TJP1: variants seen among roughly 807,000 people sequenced by gnomAD.
TJP1 encodes tight junction protein ZO-1.
Under a neutral mutation model 194.2 loss-of-function variants are expected in TJP1, and 43 were observed. The observed-to-expected ratio is 0.22, with a 90% confidence interval of 0.17 to 0.29. TJP1 has a LOEUF of 0.29. Ranked by LOEUF, TJP1 falls within the 10% of genes least tolerant of loss-of-function variation. The pLI, the probability that TJP1 is intolerant of heterozygous loss-of-function variation, is 1.00. For synonymous variants in TJP1, 801 were observed against 779.0 expected, an observed-to-expected ratio of 1.03 and a Z score of -0.47; for missense variants, 1,971 against 2,185.7, an observed-to-expected ratio of 0.90 and a Z score of 1.96.
intron 2 of TJP1, among the ~76,000 whole-genome samples, chr15:29,795,361 G>A (rs1351827043): frequency 2.0e-5 from 3 of 150,158 alleles, no homozygotes; most frequent in Admixed American, 2.0e-4. Context: ...AGGTTGCAGT[G>A]AGCCATGATG....
At chr15:29,798,163 G>A (rs1281595849) in intron 2 of TJP1, among the ~76,000 whole-genome samples, 1 of 151,932 alleles carries the variant, frequency 6.6e-6, no homozygotes, top group East Asian at 1.9e-4. Flanking sequence ...AGTAGACGGG[G>A]TTTCACCACG....
At chr15:29,932,133 A>G (rs1186657320) in intron 2 of TJP1, among the ~76,000 whole-genome samples, 1 of 152,172 alleles carries the variant, frequency 6.6e-6, no homozygotes, top group Non-Finnish European at 1.5e-5. Flanking sequence ...AGAATGCTTT[A>G]ACCGTCTGGG....
At chr15:29,866,930 A>T (rs912787599) in intron 2 of TJP1, among the ~76,000 whole-genome samples, 14 of 152,142 alleles carry the variant, frequency 9.2e-5, no homozygotes, top group Non-Finnish European at 1.8e-4. Flanking sequence ...AGCCACCGTC[A>T]CCCTGAGCAC....
rs1567104080 is a variant in TJP1, at chr15:29,822,398, C to A, written c.-370G>T. On this transcript the variant is annotated 5_prime_UTR_variant, in exon 1 of 28. Transcript: ENST00000614355. ...GGAAGCCGGCTTCGCCACGTAACTT[C>A]CCGGGAACCGGCGGCCGCCAAGGAA... 2.0e-6 allele frequency: 2 copies of A among 1,001,244 alleles called. No individual in the cohort carries two copies. Among genetic ancestry groups the A allele is most frequent in the African/African-American group, 3.5e-5 (2 of 57,864 alleles). 62.0% of individuals were successfully genotyped at this position (1,001,244 alleles called of 1,614,324 possible). A position where few individuals can be genotyped will look rare whatever the true frequency, so the allele number is the denominator to read the frequency against.
intron 18 of TJP1, among the ~76,000 whole-genome samples, chr15:29,723,430 G>C (rs1173211171): frequency 2.0e-5 from 3 of 152,172 alleles, no homozygotes; most frequent in Non-Finnish European, 4.4e-5. Context: ...TGTAAGACAT[G>C]CTTTTTCCCC....
chr15:29,824,735 A>T (rs903144086), upstream of TJP1, among the ~76,000 whole-genome samples: 1 of 152,218 alleles, frequency 6.6e-6, no homozygotes, highest in African/African-American at 2.4e-5. Flanking sequence ...GGTGTCTTTA[A>T]TAGCACCTAA....
chr15:29,720,173 G>A (rs2042841616), intron 19 of TJP1, 157 bp from the exon 20 acceptor site: 1 of 1,122,622 alleles, frequency 8.9e-7, no homozygotes, highest in African/African-American at 1.6e-5. Flanking sequence ...AAAAAATCCA[G>A]TACATTGCTG....
At chr15:29,808,514 C>A (rs1408290427) in intron 1 of TJP1, among the ~76,000 whole-genome samples, 1 of 152,088 alleles carries the variant, frequency 6.6e-6, no homozygotes, top group Non-Finnish European at 1.5e-5. Context: ...ATAAAGTAAC[C>A]TGACAGAACT....
chr15:29,736,715 T>A (rs188838775), intron 11 of TJP1, among the ~76,000 whole-genome samples: 13 of 152,364 alleles, frequency 8.5e-5, no homozygotes, highest in African/African-American at 3.1e-4. Context: ...GTGTAACTAA[T>A]CCTGTCTCTT....
At position 29,701,632 on chromosome 15, in the gene TJP1, C is replaced by G. The variant is rs776724806; in HGVS notation, c.5270G>C (p.Gly1757Ala). 4 of 1,614,080 alleles carry G rather than the reference C, an allele frequency of 2.5e-6. No homozygotes were observed. Among genetic ancestry groups the G allele is most frequent in the Non-Finnish European group, 3.4e-6 (4 of 1,179,986 alleles). Residue 1757 changes from glycine to alanine, a missense_variant, in exon 28 of 28, where the codon GGA (glycine) becomes GCA (alanine). Transcript: ENST00000614355. ...AATAAGGACAGAAACACAGTTTGCT[C>G]CAACGAGATAATTTGGATCTCCGGG... ...CLPGDPNYLV[G>A]ANCVSVLIDH...
intron 2 of TJP1, among the ~76,000 whole-genome samples, chr15:29,869,876 G>A (rs785443): frequency 0.13 from 18,073 of 141,042 alleles, 1,407 homozygotes; most frequent in East Asian, 0.23. Flanking sequence ...GCGCGATCTC[G>A]GCTCACTGCA....
intron 2 of TJP1, among the ~76,000 whole-genome samples, chr15:29,798,577 CACT>C (rs1220699833): frequency 2.0e-5 from 3 of 152,146 alleles, no homozygotes; most frequent in Admixed American, 6.5e-5. Context: ...AGCTCTTATA[CACT>C]GCCAGTGGTG....
chr15:29,909,031 C>A (rs1050186726), intron 2 of TJP1, among the ~76,000 whole-genome samples: 1 of 151,828 alleles, frequency 6.6e-6, no homozygotes, highest in Non-Finnish European at 1.5e-5. Context: ...GTGGTGGGCG[C>A]CTGTAGTCCC....
intron 1 of TJP1, chr15:29,968,394 T>A (rs2056404418): frequency 1.0e-6 from 1 of 985,172 alleles, no homozygotes. Context: ...GTGCCAGGCG[T>A]CCCGGCCGCT....
rs750218949 is a variant in TJP1 at position 29,704,181 on chromosome 15, T to C, written c.5193A>G (p.Lys1731=). 6.4e-7 allele frequency: 1 copy of C among 1,566,362 alleles called. No individual in the cohort carries two copies. Among genetic ancestry groups the C allele is most frequent in the East Asian group, 2.3e-5 (1 of 42,990 alleles). ...MTPDGWSFAL[K]SSDSSSGDPK... Reference sequence around the variant, plus strand: ...GCATACCCGACGAGGAGTCGGATGATTTTAGAGCAAAAGACCAACCGTCAG... The same window carrying C: ...GCATACCCGACGAGGAGTCGGATGACTTTAGAGCAAAAGACCAACCGTCAG... The change falls in exon 27 of 28, where the codon AAA becomes AAG. Residue 1731 remains lysine, a synonymous_variant. Coordinates refer to ENST00000614355, the MANE Select transcript of TJP1 (RefSeq NM_001330239.4).
intron 2 of TJP1, among the ~76,000 whole-genome samples, chr15:29,908,878 G>C (rs2053916970): frequency 6.6e-6 from 1 of 152,134 alleles, no homozygotes; most frequent in Non-Finnish European, 1.5e-5. Context: ...AATTAGGCCG[G>C]GCGCGGTGGC....
At chr15:29,745,021 T>G (rs2044673841) in intron 8 of TJP1, among the ~76,000 whole-genome samples, 1 of 152,162 alleles carries the variant, frequency 6.6e-6, no homozygotes, top group South Asian at 2.1e-4. Flanking sequence ...AATTCATTAT[T>G]ATGCACAAAT....
chr15:29,808,429 T>C (rs926341063), intron 1 of TJP1, among the ~76,000 whole-genome samples: 2 of 152,232 alleles, frequency 1.3e-5, no homozygotes, highest in African/African-American at 2.4e-5. Flanking sequence ...CAAATAGGCA[T>C]ATTCACTTTG....
chr15:29,797,552 C>T (rs2048493672), intron 2 of TJP1, among the ~76,000 whole-genome samples: 1 of 148,516 alleles, frequency 6.7e-6, no homozygotes. Flanking sequence ...CAAAATAATA[C>T]CTGATAAAGA....
Sources: gnomAD v4.1 joint callset for allele counts (sites outside exome capture counted in the v4.1 genomes callset) on GRCh38, gnomAD v4.1.1 for gene constraint, MANE v1.5 for transcripts, NCBI Gene and HGNC (gene_info 2026-07-23, HGNC 2026-07-21) for gene names.